The following AVPR2 variants were observed in gnomAD, a reference collection of about 807,000 sequenced individuals.
AVPR2 encodes vasopressin V2 receptor.
A neutral mutation model predicts 12.0 loss-of-function variants in AVPR2; 3 were observed. The observed-to-expected ratio is 0.25, with a 90% CI of 0.11 to 0.64. The LOEUF (loss-of-function observed/expected upper bound fraction) is 0.64, where lower values mean the gene tolerates loss of function less well. Among genes scored for constraint, AVPR2 ranks in the 30% least tolerant of loss-of-function variants. The probability of loss-of-function intolerance (pLI) is 0.84; values close to 1 mark genes in which losing one functional copy is unlikely to be tolerated. For missense variants in AVPR2, 279 were observed against 347.9 expected (o/e 0.80, Z 1.58); for synonymous variants, 143 against 147.5 (o/e 0.97, Z 0.22).
At chrX:153,903,017 T>G (rs993875751), upstream of AVPR2, 5 of 215,313 alleles carry the variant, frequency 2.3e-5, no homozygotes, top group Non-Finnish European at 4.4e-5. Flanking sequence ...CAAGTCCCAT[T>G]GCACAGAAGG....
At chrX:153,905,478 G>A in intron 2 of AVPR2, 54 bp from the exon 3 acceptor site, 1 of 1,106,930 alleles carries the variant, frequency 9.0e-7, no homozygotes, top group Non-Finnish European at 1.2e-6. Context: ...GCAGGCCTGA[G>A]TCCCCCTGCA....
In AVPR2 at chrX:153,905,031, G is replaced by A. The variant is rs782643586; in HGVS notation, c.-115G>A. On this transcript the variant is annotated 5_prime_UTR_variant, in exon 2 of 4. Coordinates refer to ENST00000646375, the MANE Select transcript of AVPR2 (RefSeq NM_000054.7). ...ACGCCAACAGGCATCTGCCATGCTG[G>A]CATCTCTATAAGGGCTCCAGTCCAG... The A allele has an allele frequency of 6.6e-6, 7 of 1,058,497 alleles. No individual in the cohort carries two copies. The South Asian group carries it at 1.1e-4, about 17-fold the overall frequency. The allele number at this position is 1,058,497 out of a possible 1,213,427, so 87.2% of individuals were successfully genotyped here. A position where few individuals can be genotyped will look rare whatever the true frequency, so the allele number is the denominator to read the frequency against.
upstream of AVPR2, among the ~76,000 whole-genome samples, chrX:153,903,395 G>A (rs782599077): frequency 0.077 from 79 of 1,024 alleles, no homozygotes; most frequent in Admixed American, 0.34. Context: ...GGGTGTGTGC[G>A]TGTGTGGTGT....
rs5201 is a variant in AVPR2, at chrX:153,906,539, A to G, written c.927A>G (p.Leu309=). 444,438 of 1,204,137 alleles carry G rather than the reference A, an allele frequency of 0.37. 66,424 individuals carry two copies. The highest frequency in any genetic ancestry group is 0.87 in the African/African-American group (49,512 of 56,850). ...CCTCCACAGGGGCGCCCTTTGTGCT[A>G]CTCATGTTGCTGGCCAGCCTCAACA... is the stretch of plus-strand genomic sequence containing the variant. ...EAPLEGAPFV[L]LMLLASLNSC... Residue 309 remains leucine, a synonymous_variant, in exon 4 of 4, where the codon CTA becomes CTG. Transcript: ENST00000646375.
upstream of AVPR2, among the ~76,000 whole-genome samples, chrX:153,903,907 G>T (rs1254268696): frequency 9.1e-6 from 1 of 109,344 alleles, no homozygotes; most frequent in African/African-American, 3.3e-5. Context: ...GGGGCTGGAG[G>T]GGGTGTGGGG....
At chrX:153,906,502 C>G in intron 3 of AVPR2, 21 bp from the exon 4 acceptor site, 1 of 1,208,380 alleles carries the variant, frequency 8.3e-7, no homozygotes, top group Non-Finnish European at 1.1e-6. Context: ...TGAACCCAAC[C>G]TAGATCCTCC....
At position 153,906,687 on chromosome X, in the gene AVPR2, A is replaced by T; in HGVS notation, c.1075A>T (p.Thr359Ser). 4 of 1,212,071 alleles carry T rather than the reference A, an allele frequency of 3.3e-6. No homozygotes were observed. The highest frequency in any genetic ancestry group is 4.5e-6 in the Non-Finnish European group (4 of 895,456). Residue 359 changes from threonine to serine, a missense_variant, in exon 4 of 4, where the codon ACC becomes TCC. By Grantham distance (58) the Thr-to-Ser change is moderately conservative. Transcript: ENST00000646375. ...CCTGGGTCCCCAAGATGAGTCCTGC[A>T]CCACCGCCAGCTCCTCCCTGGCCAA... Reference protein sequence around the residue: ...PSLGPQDESCTTASSSLAKDT... With the variant: ...PSLGPQDESCSTASSSLAKDT...
At chrX:153,903,924 GA>G (rs1228383957), upstream of AVPR2, among the ~76,000 whole-genome samples, 1 of 101,012 alleles carries the variant, frequency 9.9e-6, no homozygotes, top group Non-Finnish European at 2.0e-5. Context: ...GGGGACAGGG[GA>G]AGGAGAGAGG....
At position 153,907,077 on chromosome X, in the gene AVPR2, G is replaced by A; in HGVS notation, c.*349G>A. On this transcript the variant is annotated 3_prime_UTR_variant, in exon 4 of 4. Transcript: ENST00000646375. Reference sequence around the variant, plus strand: ...CCAGGGGCCTGAAAAGGAAGGACCAGGCTGGGGCCAGGGGACCTTCCTGTC... The same window carrying A: ...CCAGGGGCCTGAAAAGGAAGGACCAAGCTGGGGCCAGGGGACCTTCCTGTC... 2.4e-6 allele frequency: 1 copy of A among 416,797 alleles called. No individual in the cohort carries two copies. The highest frequency in any genetic ancestry group is 2.4e-5 in the African/African-American group (1 of 41,671). The allele number at this position is 416,797 out of a possible 1,213,427, so 34.3% of individuals were successfully genotyped here.
Position 153,905,041 on chromosome X carries a change from A to G in AVPR2, c.-105A>G. The G allele has an allele frequency of 9.0e-7, 1 of 1,113,067 alleles. No individual in the cohort carries two copies. Among genetic ancestry groups the G allele is most frequent in the Non-Finnish European group, 1.2e-6 (1 of 806,027 alleles). 91.7% of individuals were successfully genotyped at this position (1,113,067 alleles called of 1,213,427 possible). A position where few individuals can be genotyped will look rare whatever the true frequency, so the allele number is the denominator to read the frequency against. Reference sequence around the variant, plus strand: ...GCATCTGCCATGCTGGCATCTCTATAAGGGCTCCAGTCCAGAGACCCTGGG... The same window carrying G: ...GCATCTGCCATGCTGGCATCTCTATGAGGGCTCCAGTCCAGAGACCCTGGG... On this transcript the variant is annotated 5_prime_UTR_variant, in exon 2 of 4. The change creates a new upstream start codon in the 5' untranslated region. Transcript: ENST00000646375.
At position 153,906,143 on chromosome X, in the gene AVPR2, G is replaced by C; in HGVS notation, c.637G>C (p.Val213Leu). ...CTATGTCACCTGGATTGCCCTGATGGTGTTCGTGGCACCTACCCTGGGTAT... is the reference window on the plus strand; with the variant it reads ...CTATGTCACCTGGATTGCCCTGATGCTGTTCGTGGCACCTACCCTGGGTAT... ...RTYVTWIALMVFVAPTLGIAA... is the reference protein window; with the variant it reads ...RTYVTWIALMLFVAPTLGIAA... Residue 213 changes from valine (V) to leucine (L), a missense_variant, in exon 3 of 4, where the codon GTG (valine) becomes CTG (leucine). Transcript: ENST00000646375. The C allele has an allele frequency of 3.3e-6, 4 of 1,212,400 alleles. No homozygotes were observed. Among genetic ancestry groups the C allele is most frequent in the Non-Finnish European group, 4.5e-6 (4 of 895,615 alleles).
At chrX:153,905,432 A>C in intron 2 of AVPR2, 100 bp from the exon 3 acceptor site, 1 of 937,822 alleles carries the variant, frequency 1.1e-6, no homozygotes, top group Non-Finnish European at 1.5e-6. Context: ...CTCTGCTAGG[A>C]GCCAGGAAGT....
intron 1 of AVPR2, 64 bp downstream of exon 1, chrX:153,904,835 G>A (rs782503517): frequency 9.9e-6 from 4 of 402,776 alleles, no homozygotes; most frequent in East Asian, 4.2e-5. Flanking sequence ...GGCCTCTCTC[G>A]GCCTCGGTTG....
At position 153,905,947 on chromosome X, in the gene AVPR2, G is replaced by A. The variant is rs143055328; in HGVS notation, c.441G>A (p.Ala147=). ...GTGCCATCTGCCGTCCCATGCTGGC[G>A]TACCGCCATGGAAGTGGGGCTCACT... The part of the protein sequence containing the change: ...RHRAICRPML[A]YRHGSGAHWN... The change falls in exon 3 of 4, where the codon GCG becomes GCA. Residue 147 remains alanine (A), a synonymous_variant. Coordinates refer to ENST00000646375, the MANE Select transcript of AVPR2 (RefSeq NM_000054.7). The A allele has an allele frequency of 4.0e-4, 476 of 1,203,467 alleles. 2 individuals are homozygous for A. In the South Asian group the frequency reaches 4.3e-3, roughly 11 times the overall value.
rs782171420 is a variant in AVPR2 at position 153,906,846 on chromosome X, C to G, written c.*118C>G. On this transcript the variant is annotated 3_prime_UTR_variant, in exon 4 of 4. Transcript: ENST00000646375. ...GAGAATTGGCCAGAGCCTGTGGCCC[C>G]GAGGCTGGGACACTGTGTGGCCCTG... The G allele has an allele frequency of 1.3e-6, 1 of 780,806 alleles. No homozygotes were observed. The highest frequency in any genetic ancestry group is 3.4e-5 in the East Asian group (1 of 29,005). 64.3% of individuals were successfully genotyped at this position (780,806 alleles called of 1,213,427 possible). A position where few individuals can be genotyped will look rare whatever the true frequency, so the allele number is the denominator to read the frequency against.
At position 153,905,951 on chromosome X, in the gene AVPR2, C is replaced by T. The variant is rs905300222; in HGVS notation, c.445C>T (p.Arg149Cys). 3 of 1,204,429 alleles carry T rather than the reference C, an allele frequency of 2.5e-6. No homozygotes were observed. The highest frequency in any genetic ancestry group is 1.8e-5 in the South Asian group (1 of 57,077). Residue 149 changes from arginine to cysteine, a missense_variant, in exon 3 of 4, where the codon CGC becomes TGC. Arg to Cys is a radical substitution (Grantham distance 180, BLOSUM62 -3). Coordinates refer to ENST00000646375, the MANE Select transcript of AVPR2 (RefSeq NM_000054.7). ...RAICRPMLAYRHGSGAHWNRP... is the reference protein window; with the variant it reads ...RAICRPMLAYCHGSGAHWNRP... ...CATCTGCCGTCCCATGCTGGCGTACCGCCATGGAAGTGGGGCTCACTGGAA... is the reference window on the plus strand; with the variant it reads ...CATCTGCCGTCCCATGCTGGCGTACTGCCATGGAAGTGGGGCTCACTGGAA...
chrX:153,905,835 C>A lies in AVPR2; in HGVS notation c.329C>A (p.Ala110Asp), dbSNP rs1557100571. The change falls in exon 3 of 4, where the codon GCC (alanine) becomes GAC (aspartate). Residue 110 changes from alanine to aspartate, a missense_variant. Ala to Asp is a moderately radical substitution (Grantham distance 126, BLOSUM62 -2). Coordinates refer to ENST00000646375, the MANE Select transcript of AVPR2 (RefSeq NM_000054.7). ...ACCGACCGCTTCCGTGGGCCAGATG[C>A]CCTGTGTCGGGCCGTGAAGTATCTG... ...KATDRFRGPD[A>D]LCRAVKYLQM... The A allele has an allele frequency of 8.3e-7, 1 of 1,206,366 alleles. No homozygotes were observed. The highest frequency in any genetic ancestry group is 1.1e-6 in the Non-Finnish European group (1 of 895,636).
Position 153,906,514 on chromosome X carries a change from C to A in AVPR2, c.911-9C>A, listed in dbSNP as rs782587977. The A allele has an allele frequency of 4.8e-5, 58 of 1,207,262 alleles. No homozygotes were observed. The highest frequency in any genetic ancestry group is 6.4e-5 in the Non-Finnish European group (57 of 893,608). On this transcript the variant is annotated splice_polypyrimidine_tract_variant and intron_variant, in intron 3 of 3. Coordinates refer to ENST00000646375, the MANE Select transcript of AVPR2 (RefSeq NM_000054.7). ...TCCTGAACCCAACCTAGATCCTCCA[C>A]CTCCACAGGGGCGCCCTTTGTGCTA...
chrX:153,905,798 GCCTGGAAGGCCA>G lies in AVPR2; in HGVS notation c.295_306del (p.Trp99_Thr102del). On this transcript the variant is annotated inframe_deletion, in exon 3 of 4. Transcript: ENST00000646375. ...TCTGTTCCAAGTGCTGCCCCAGCTGGCCTGGAAGGCCACCGACCGCTTCCGTGGGCCAGATGC... is the reference window on the plus strand; with the variant it reads ...TCTGTTCCAAGTGCTGCCCCAGCTGGCCGACCGCTTCCGTGGGCCAGATGC... 8.3e-7 allele frequency: 1 copy of G among 1,207,938 alleles called. No homozygotes were observed. Among genetic ancestry groups the G allele is most frequent in the Non-Finnish European group, 1.1e-6 (1 of 895,616 alleles).
Sources: gnomAD v4.1 joint callset for allele counts (sites outside exome capture counted in the v4.1 genomes callset) on GRCh38, gnomAD v4.1.1 for gene constraint, MANE v1.5 for transcripts, NCBI Gene and HGNC (gene_info 2026-07-23, HGNC 2026-07-21) for gene names.